DTL: variants seen among roughly 807,000 people sequenced by gnomAD.
DTL encodes denticleless E3 ubiquitin protein ligase adapter, also known as denticleless protein homolog.
In DTL, 46 loss-of-function variants were observed where a neutral mutation model predicts 87.0. That is an observed-to-expected ratio of 0.53 (90% CI 0.42 to 0.68). The LOEUF is 0.68. DTL is among the 30% of genes least tolerant of loss of function. The pLI, the probability that DTL is intolerant of heterozygous loss-of-function variation, is 0.00. For missense variants in DTL, 737 were observed against 869.4 expected (o/e 0.85, Z 1.91); for synonymous variants, 308 against 311.2 (o/e 0.99, Z 0.11).
intron 5 of DTL, among the ~76,000 whole-genome samples, chr1:212,052,498 G>A (rs1203940492): frequency 2.0e-5 from 3 of 151,780 alleles, no homozygotes; most frequent in African/African-American, 4.8e-5. Flanking sequence ...TTAGCCAGGC[G>A]TTGTGGTGGG....
chr1:212,036,998 C>T (rs1033596271), intron 1 of DTL, among the ~76,000 whole-genome samples: 1 of 152,206 alleles, frequency 6.6e-6, no homozygotes, highest in Admixed American at 6.5e-5. Flanking sequence ...TTATTTCCCT[C>T]TTAGATAATC....
chr1:212,039,164 C>T (rs987412930), intron 1 of DTL, among the ~76,000 whole-genome samples: 1 of 152,090 alleles, frequency 6.6e-6, no homozygotes, highest in East Asian at 1.9e-4. Context: ...ATTAAAACTT[C>T]TTTATGGATT....
chr1:212,080,825 G>A (rs769176123), intron 13 of DTL, 75 bp downstream of exon 13: 11 of 1,470,448 alleles, frequency 7.5e-6, no homozygotes, highest in Non-Finnish European at 1.0e-5. Context: ...TAATAAGCTA[G>A]ATTTGATCTT....
intron 3 of DTL, among the ~76,000 whole-genome samples, chr1:212,046,817 T>G (rs200848969): frequency 6.6e-6 from 1 of 152,342 alleles, no homozygotes; most frequent in South Asian, 2.1e-4. Context: ...GTAATGGGAT[T>G]GCTGGGTCAA....
chr1:212,096,949 C>T (rs566314836), intron 13 of DTL, among the ~76,000 whole-genome samples: 86 of 152,192 alleles, frequency 5.7e-4, no homozygotes, highest in Non-Finnish European at 1.1e-3. Context: ...ATTGAAGTCC[C>T]CCACTATGAG....
chr1:212,090,070 G>A (rs781275618), intron 13 of DTL, among the ~76,000 whole-genome samples: 9 of 152,150 alleles, frequency 5.9e-5, no homozygotes, highest in South Asian at 2.1e-4. Flanking sequence ...GCTCTAGAGC[G>A]TTAGTGTGAG....
chr1:212,080,767 C>T lies in DTL; in HGVS notation c.1261+17C>T, dbSNP rs368997892. 3.8e-5 allele frequency: 61 copies of T among 1,611,366 alleles called. No individual in the cohort carries two copies. Among genetic ancestry groups the T allele is most frequent in the Non-Finnish European group, 4.3e-5 (51 of 1,178,792 alleles). Reference sequence around the variant, plus strand: ...CTGGCCTAGGTAAGGATATCATATACTTTCCAAGTTTTTTATGGTTTGACT... The same window carrying T: ...CTGGCCTAGGTAAGGATATCATATATTTTCCAAGTTTTTTATGGTTTGACT... On this transcript the variant is annotated intron_variant, in intron 13 of 14. Transcript: ENST00000366991.
At chr1:212,053,391 G>C (rs1200521784) in intron 5 of DTL, among the ~76,000 whole-genome samples, 1 of 151,930 alleles carries the variant, frequency 6.6e-6, no homozygotes, top group East Asian at 1.9e-4. Context: ...GTAGAGATGG[G>C]GTTTCACCCA....
chr1:212,088,080 C>T lies in DTL; in HGVS notation c.1261+7330C>T, dbSNP rs566429221. Among the ~76,000 whole-genome samples, 50 of 152,236 alleles carry T rather than the reference C, an allele frequency of 3.3e-4. 1 individual carries two copies. The highest frequency in any genetic ancestry group is 8.7e-4 in the African/African-American group (36 of 41,538). ...AGCTACTTGGGGAGCTTTTCAAGTCCGTGTATCCCCAGTGATTGATTCAAT... is the reference window on the plus strand; with the variant it reads ...AGCTACTTGGGGAGCTTTTCAAGTCTGTGTATCCCCAGTGATTGATTCAAT... On this transcript the variant is annotated intron_variant, in intron 13 of 14. Transcript: ENST00000366991.
intron 13 of DTL, among the ~76,000 whole-genome samples, chr1:212,090,081 A>T (rs1232662943): frequency 6.6e-6 from 1 of 152,218 alleles, no homozygotes; most frequent in Non-Finnish European, 1.5e-5. Context: ...TTAGTGTGAG[A>T]ACCATAACCA....
At chr1:212,047,684 C>A (rs190859308) in intron 5 of DTL, among the ~76,000 whole-genome samples, 1 of 152,262 alleles carries the variant, frequency 6.6e-6, no homozygotes, top group East Asian at 1.9e-4. Context: ...TACAGGCGCA[C>A]ATCACCATGC....
chr1:212,050,129 C>T (rs572243240), intron 5 of DTL, among the ~76,000 whole-genome samples: 1 of 151,972 alleles, frequency 6.6e-6, no homozygotes, highest in Non-Finnish European at 1.5e-5. Context: ...TGTGATTGTG[C>T]CATCATACTC....
At chr1:212,099,737 A>G (rs909759609) in intron 13 of DTL, 6 of 152,508 alleles carry the variant, frequency 3.9e-5, no homozygotes, top group Non-Finnish European at 8.8e-5. Context: ...GCAGCAAGCC[A>G]CTTCTTTCAA....
chr1:212,055,747 C>T (rs1668154085), intron 5 of DTL, among the ~76,000 whole-genome samples: 1 of 152,208 alleles, frequency 6.6e-6, no homozygotes, highest in African/African-American at 2.4e-5. Context: ...GCCTGGGGAT[C>T]ACCCCACCCC....
chr1:212,052,093 T>C, intron 5 of DTL: 1 of 750,966 alleles, frequency 1.3e-6, no homozygotes, highest in Non-Finnish European at 2.3e-6. Context: ...TTCCTTTCAT[T>C]GCTAAAGTTG....
chr1:212,051,528 G>A, intron 5 of DTL: 1 of 431,828 alleles, frequency 2.3e-6, no homozygotes. Context: ...CACCTATTAT[G>A]CCATGAATTC....
chr1:212,087,378 C>A (rs566466164), intron 13 of DTL, among the ~76,000 whole-genome samples: 3 of 152,156 alleles, frequency 2.0e-5, no homozygotes, highest in East Asian at 1.9e-4. Flanking sequence ...GAAACCCCGT[C>A]TCTACTAAAA....
At chr1:212,072,889 G>A (rs143266360) in intron 11 of DTL, among the ~76,000 whole-genome samples, 1,694 of 151,044 alleles carry the variant, frequency 0.011, 31 homozygotes, top group African/African-American at 0.038. Flanking sequence ...TCAGCCTCCC[G>A]AATAACTGGG....
intron 1 of DTL, among the ~76,000 whole-genome samples, chr1:212,037,123 T>C (rs1667498305): frequency 6.6e-6 from 1 of 152,244 alleles, no homozygotes; most frequent in Non-Finnish European, 1.5e-5. Flanking sequence ...AACTCTGTCT[T>C]TGAAGTTAAA....
Sources: gnomAD v4.1 joint callset for allele counts (sites outside exome capture counted in the v4.1 genomes callset) on GRCh38, gnomAD v4.1.1 for gene constraint, MANE v1.5 for transcripts, NCBI Gene and HGNC (gene_info 2026-07-23, HGNC 2026-07-21) for gene names.